The following PHC3 variants were observed in gnomAD, a reference collection of about 807,000 sequenced individuals.
PHC3 encodes polyhomeotic-like protein 3.
PHC3 carries 13 observed loss-of-function variants against 107.4 expected under a neutral mutation model. The observed-to-expected ratio is 0.12, with a 90% confidence interval of 0.08 to 0.19. The LOEUF is 0.19. Among genes scored for constraint, PHC3 ranks in the 10% least tolerant of loss-of-function variants. The probability of loss-of-function intolerance (pLI) is 1.00; values close to 1 mark genes in which losing one functional copy is unlikely to be tolerated. For synonymous variants in PHC3, 456 were observed against 427.4 expected (o/e 1.07, Z -0.83); for missense variants, 992 against 1,210.9 (o/e 0.82, Z 2.68).
intron 8 of PHC3, among the ~76,000 whole-genome samples, chr3:170,128,093 A>G (rs924763788): frequency 1.3e-5 from 2 of 152,174 alleles, no homozygotes; most frequent in African/African-American, 4.8e-5. Context: ...ATTCTATAAG[A>G]TGGCCTACAG....
Position 170,128,890 on chromosome 3 carries a change from G to A in PHC3, c.1582C>T (p.Leu528=), listed in dbSNP as rs1452731785. The A allele has an allele frequency of 6.2e-7, 1 of 1,613,964 alleles. No individual in the cohort carries two copies. The highest frequency in any genetic ancestry group is 2.2e-5 in the East Asian group (1 of 44,904). The change falls in exon 8 of 15, where the codon CTG becomes TTG. Residue 528 remains leucine, a synonymous_variant. Coordinates refer to ENST00000495893, the MANE Select transcript of PHC3 (RefSeq NM_024947.4). ...STSPPAQIPP[L]PLQSMQSLQV... ...AAAGACTGCATAGACTGCAAGGGCA[G>A]TGGTGGAATCTGAGCTGGAGGAGAT...
chr3:170,141,044 G>A (rs1056734568), intron 6 of PHC3, among the ~76,000 whole-genome samples: 4 of 152,128 alleles, frequency 2.6e-5, no homozygotes, highest in Non-Finnish European at 4.4e-5. Context: ...TATGGTATAA[G>A]AATGTTTAAT....
intron 7 of PHC3, among the ~76,000 whole-genome samples, chr3:170,130,855 A>C (rs1028786697): frequency 6.6e-6 from 1 of 152,204 alleles, no homozygotes; most frequent in Non-Finnish European, 1.5e-5. Flanking sequence ...ACAATTGCTT[A>C]ATGTTAATAT....
At chr3:170,172,475 A>G (rs1315744477) in intron 3 of PHC3, 82 bp downstream of exon 3, 27 of 1,464,524 alleles carry the variant, frequency 1.8e-5, no homozygotes, top group Non-Finnish European at 2.5e-5. Context: ...GAACTCTGAA[A>G]TAATACCCAA....
Position 170,178,854 on chromosome 3 carries a change from G to A in PHC3, c.99C>T (p.Thr33=), listed in dbSNP as rs776480077. 6.2e-7 allele frequency: 1 copy of A among 1,613,966 alleles called. No homozygotes were observed. The highest frequency in any genetic ancestry group is 8.5e-7 in the Non-Finnish European group (1 of 1,179,840). ...SVSTTTSSTT[T]TTITTSSSRM... ...GAGAGGAGGAAGTGGTGATGGTGGTGGTGGTGGTACTGCTGGTTGTTGTTG... is the reference window on the plus strand; with the variant it reads ...GAGAGGAGGAAGTGGTGATGGTGGTAGTGGTGGTACTGCTGGTTGTTGTTG... The change falls in exon 2 of 15, where the codon ACC becomes ACT. Residue 33 remains threonine, a synonymous_variant. Coordinates refer to ENST00000495893, the MANE Select transcript of PHC3 (RefSeq NM_024947.4).
intron 2 of PHC3, among the ~76,000 whole-genome samples, chr3:170,175,495 G>A (rs1434619681): frequency 2.0e-5 from 3 of 152,032 alleles, no homozygotes; most frequent in African/African-American, 7.2e-5. Context: ...AATTAGCCAA[G>A]CATAGTCACA....
At chr3:170,135,349 C>T (rs974568393) in intron 7 of PHC3, among the ~76,000 whole-genome samples, 44 of 152,084 alleles carry the variant, frequency 2.9e-4, no homozygotes, top group Middle Eastern at 3.4e-3. Context: ...TGGGTTTTCA[C>T]CATGTTGGCC....
At chr3:170,144,048 C>T (rs901293482) in intron 6 of PHC3, among the ~76,000 whole-genome samples, 5 of 151,310 alleles carry the variant, frequency 3.3e-5, no homozygotes, top group Admixed American at 1.3e-4. Context: ...ATATCGAGGC[C>T]GGGCGTGGTG....
intron 6 of PHC3, among the ~76,000 whole-genome samples, chr3:170,144,025 C>G (rs1020962531): frequency 2.6e-5 from 4 of 151,744 alleles, no homozygotes; most frequent in African/African-American, 9.7e-5. Context: ...GAGCAGTATT[C>G]CACTGTAAGA....
intron 11 of PHC3, among the ~76,000 whole-genome samples, chr3:170,110,801 TAA>T (rs942955223): frequency 2.6e-5 from 4 of 152,224 alleles, no homozygotes; most frequent in African/African-American, 9.6e-5. Flanking sequence ...CTATATGTTG[TAA>T]AGTTTCCTAA....
At chr3:170,172,055 T>C (rs960768102) in intron 3 of PHC3, among the ~76,000 whole-genome samples, 3 of 152,194 alleles carry the variant, frequency 2.0e-5, no homozygotes, top group Non-Finnish European at 4.4e-5. Context: ...AAAATGGATA[T>C]ACCTATCTTT....
chr3:170,169,586 A>C (rs1357067955), intron 4 of PHC3: 1 of 152,176 alleles, frequency 6.6e-6, no homozygotes, highest in African/African-American at 2.4e-5. Context: ...CCAGCCATTT[A>C]CAGCTTTTGG....
chr3:170,169,398 C>A (rs1447210838), intron 4 of PHC3, among the ~76,000 whole-genome samples: 1 of 151,842 alleles, frequency 6.6e-6, no homozygotes, highest in East Asian at 1.9e-4. Context: ...TTACCATGCT[C>A]CCCCCCGTTT....
chr3:170,104,061 C>A (rs1047758698), intron 12 of PHC3, among the ~76,000 whole-genome samples: 1 of 151,886 alleles, frequency 6.6e-6, no homozygotes, highest in Non-Finnish European at 1.5e-5. Flanking sequence ...CAGAGCCAGA[C>A]CCTGACTCAA....
chr3:170,160,638 C>T (rs1396524074), intron 4 of PHC3, among the ~76,000 whole-genome samples: 4 of 152,184 alleles, frequency 2.6e-5, no homozygotes, highest in African/African-American at 7.2e-5. Context: ...TGGTGGCTCA[C>T]GCCTGTAATC....
chr3:170,106,027 C>CA, intron 12 of PHC3, among the ~76,000 whole-genome samples: 1 of 152,134 alleles, frequency 6.6e-6, no homozygotes, highest in East Asian at 1.9e-4. Context: ...GCCTGGCGAA[C>CA]ATGGTGAAAC....
chr3:170,171,551 C>T, intron 3 of PHC3, 101 bp from the exon 4 acceptor site: 1 of 778,862 alleles, frequency 1.3e-6, no homozygotes, highest in Non-Finnish European at 2.0e-6. Flanking sequence ...TGTCAAAAGG[C>T]CTATGTATGA....
intron 6 of PHC3, among the ~76,000 whole-genome samples, chr3:170,140,594 T>C (rs1417296244): frequency 1.3e-4 from 16 of 125,396 alleles, no homozygotes; most frequent in African/African-American, 4.4e-4. Flanking sequence ...CTTTTTTTTT[T>C]TTTTTTTTTT....
At chr3:170,133,222 A>C (rs1722541108) in intron 7 of PHC3, among the ~76,000 whole-genome samples, 1 of 150,954 alleles carries the variant, frequency 6.6e-6, no homozygotes, top group South Asian at 2.1e-4. Flanking sequence ...CTCTTTTGCC[A>C]GGCAGGAGTG....
Sources: gnomAD v4.1 joint callset for allele counts (sites outside exome capture counted in the v4.1 genomes callset) on GRCh38, gnomAD v4.1.1 for gene constraint, MANE v1.5 for transcripts, NCBI Gene and HGNC (gene_info 2026-07-23, HGNC 2026-07-21) for gene names.